The following DPY19L1 variants were observed in gnomAD, a reference collection of about 807,000 sequenced individuals.
The protein encoded by DPY19L1 is dpy-19 like C-mannosyltransferase 1.
A neutral mutation model predicts 96.9 loss-of-function variants in DPY19L1; 35 were observed. The observed-to-expected ratio is 0.36, with a 90% CI of 0.28 to 0.48. The LOEUF is 0.48. DPY19L1 is among the 20% of genes least tolerant of loss of function. DPY19L1 has a pLI of 0.99. For synonymous variants in DPY19L1, 205 were observed against 252.6 expected, an observed-to-expected ratio of 0.81 and a Z score of 1.79; for missense variants, 521 against 777.9, an observed-to-expected ratio of 0.67 and a Z score of 3.93.
intron 6 of DPY19L1, among the ~76,000 whole-genome samples, chr7:35,002,448 T>C (rs1457040311): frequency 6.6e-6 from 1 of 151,012 alleles, no homozygotes; most frequent in Non-Finnish European, 1.5e-5. Context: ...AAAAAGAAAA[T>C]TAGAGGACTG....
At chr7:34,981,767 A>G (rs1455775737) in intron 7 of DPY19L1, among the ~76,000 whole-genome samples, 1 of 152,268 alleles carries the variant, frequency 6.6e-6, no homozygotes, top group Non-Finnish European at 1.5e-5. Flanking sequence ...CCTGGCCAAC[A>G]TGGTGAAACC....
intron 17 of DPY19L1, 23 bp from the exon 18 acceptor site, chr7:34,941,907 T>C (rs1295955645): frequency 3.2e-6 from 5 of 1,564,586 alleles, no homozygotes; most frequent in Non-Finnish European, 4.3e-6. Context: ...AGAAAATGTT[T>C]TTTACTCCTA....
intron 6 of DPY19L1, among the ~76,000 whole-genome samples, chr7:35,002,768 T>C (rs1440745543): frequency 6.6e-6 from 1 of 152,154 alleles, no homozygotes; most frequent in Non-Finnish European, 1.5e-5. Flanking sequence ...CAACCAACAA[T>C]GTTCTCTTTT....
intron 10 of DPY19L1, among the ~76,000 whole-genome samples, chr7:34,963,192 T>G (rs1204213398): frequency 3.7e-5 from 2 of 53,844 alleles, no homozygotes; most frequent in Admixed American, 4.7e-4. Context: ...GAGATCTGTC[T>G]CAAAAAAAAA....
intron 10 of DPY19L1, among the ~76,000 whole-genome samples, chr7:34,959,086 T>C (rs182870049): frequency 1.5e-3 from 226 of 151,876 alleles, no homozygotes; most frequent in Non-Finnish European, 2.6e-3. Flanking sequence ...AAGAAGACAT[T>C]TATGCAGCCA....
At chr7:34,991,876 A>G (rs1483224423) in intron 6 of DPY19L1, among the ~76,000 whole-genome samples, 1 of 152,228 alleles carries the variant, frequency 6.6e-6, no homozygotes, top group African/African-American at 2.4e-5. Flanking sequence ...ACTTAAAGGG[A>G]TTATTTTTAT....
At chr7:34,939,972 C>T (rs1390803936) in intron 19 of DPY19L1, among the ~76,000 whole-genome samples, 181 bp downstream of exon 19, 7 of 151,862 alleles carry the variant, frequency 4.6e-5, no homozygotes, top group African/African-American at 1.7e-4. Flanking sequence ...ATAACATTTC[C>T]CCTGCAAACC....
At chr7:35,000,455 C>A (rs1269783567) in intron 6 of DPY19L1, 1 of 152,174 alleles carries the variant, frequency 6.6e-6, no homozygotes, top group African/African-American at 2.4e-5. Flanking sequence ...AATCCGCCCC[C>A]CAACATGCAG....
intron 9 of DPY19L1, among the ~76,000 whole-genome samples, chr7:34,968,598 G>A (rs1387320578): frequency 4.0e-5 from 6 of 151,676 alleles, no homozygotes; most frequent in East Asian, 3.9e-4. Context: ...GTGAAACCCC[G>A]TCTCTACTAA....
At chr7:34,956,142 ACT>A (rs1432254745) in intron 11 of DPY19L1, among the ~76,000 whole-genome samples, 1 of 152,214 alleles carries the variant, frequency 6.6e-6, no homozygotes, top group African/African-American at 2.4e-5. Flanking sequence ...GACATATAGA[ACT>A]GAAAAGAAAT....
chr7:34,944,441 C>T (rs992367741), intron 16 of DPY19L1, among the ~76,000 whole-genome samples: 1 of 151,412 alleles, frequency 6.6e-6, no homozygotes, highest in Non-Finnish European at 1.5e-5. Context: ...CCTTCTCCCC[C>T]CAAAATCCCA....
intron 16 of DPY19L1, among the ~76,000 whole-genome samples, chr7:34,942,991 C>T (rs189967708): frequency 6.6e-6 from 1 of 152,262 alleles, no homozygotes; most frequent in East Asian, 1.9e-4. Flanking sequence ...GTAGAGATAA[C>T]AAATACGTGG....
chr7:34,979,685 C>A (rs2128669987), intron 7 of DPY19L1, among the ~76,000 whole-genome samples: 1 of 152,098 alleles, frequency 6.6e-6, no homozygotes, highest in African/African-American at 2.4e-5. Flanking sequence ...TGAGATATAT[C>A]AAAAGGGCAG....
intron 14 of DPY19L1, among the ~76,000 whole-genome samples, chr7:34,949,424 C>G (rs1784223876): frequency 6.6e-6 from 1 of 152,132 alleles, no homozygotes; most frequent in Non-Finnish European, 1.5e-5. Context: ...GAATGAAAAG[C>G]TTGGACTTGA....
At chr7:34,984,864 C>G (rs1395158462) in intron 7 of DPY19L1, among the ~76,000 whole-genome samples, 3 of 152,188 alleles carry the variant, frequency 2.0e-5, no homozygotes, top group Non-Finnish European at 4.4e-5. Flanking sequence ...TCCGCTATCA[C>G]TTTCTGCTCA....
intron 1 of DPY19L1, among the ~76,000 whole-genome samples, chr7:35,025,240 T>C (rs1368231478): frequency 1.3e-5 from 2 of 152,166 alleles, no homozygotes; most frequent in Non-Finnish European, 2.9e-5. Flanking sequence ...TTGCTTTGTG[T>C]AGCTTCAAAG....
chr7:34,982,868 T>C (rs2128670637), intron 7 of DPY19L1, among the ~76,000 whole-genome samples: 1 of 152,262 alleles, frequency 6.6e-6, no homozygotes, highest in South Asian at 2.1e-4. Context: ...TCACACAGCA[T>C]TTGGTTTCGG....
chr7:34,989,646 A>ACAAC (rs143800034), intron 7 of DPY19L1, among the ~76,000 whole-genome samples: 13 of 90,374 alleles, frequency 1.4e-4, no homozygotes, highest in African/African-American at 6.4e-4. Context: ...AACAACAACA[A>ACAAC]AAAAAAAAAA....
intron 10 of DPY19L1, among the ~76,000 whole-genome samples, chr7:34,965,651 T>C (rs1346391677): frequency 6.6e-6 from 1 of 152,174 alleles, no homozygotes; most frequent in East Asian, 1.9e-4. Flanking sequence ...TTACACATTA[T>C]AAATGTTCTT....
Sources: allele counts gnomAD v4.1 joint callset (sites outside exome capture counted in the v4.1 genomes callset), GRCh38; gene constraint gnomAD v4.1.1; transcripts MANE v1.5; gene names NCBI Gene and HGNC (gene_info 2026-07-23, HGNC 2026-07-21).